TGFBRAP1: variants seen among roughly 807,000 people sequenced by gnomAD.
The protein encoded by TGFBRAP1 is transforming growth factor-beta receptor-associated protein 1.
A neutral mutation model predicts 83.2 loss-of-function variants in TGFBRAP1; 20 were observed. The observed-to-expected ratio is 0.24, with a 90% CI of 0.17 to 0.35. The LOEUF is 0.35. TGFBRAP1 is among the 10% of genes least tolerant of loss of function. The pLI is 1.00. For synonymous variants in TGFBRAP1, 415 were observed against 459.8 expected (o/e 0.90, Z 1.25); for missense variants, 950 against 1,099.4 (o/e 0.86, Z 1.92).
chr2:105,313,058 G>A (rs1678743412), intron 1 of TGFBRAP1, among the ~76,000 whole-genome samples: 1 of 152,100 alleles, frequency 6.6e-6, no homozygotes, highest in South Asian at 2.1e-4. Flanking sequence ...GTTGCAGTGA[G>A]CAGAGATCGC....
chr2:105,321,484 A>G (rs1467716160), intron 1 of TGFBRAP1, among the ~76,000 whole-genome samples: 2 of 152,106 alleles, frequency 1.3e-5, no homozygotes, highest in East Asian at 3.9e-4. Context: ...GATGTTTTTC[A>G]AGTTTCTATT....
chr2:105,319,103 T>A (rs1573221055), intron 1 of TGFBRAP1, among the ~76,000 whole-genome samples: 1 of 152,186 alleles, frequency 6.6e-6, no homozygotes, highest in East Asian at 2.0e-4. Context: ...CTCCATCACA[T>A]AGGCTGGAGT....
downstream of TGFBRAP1, among the ~76,000 whole-genome samples, chr2:105,259,939 G>A (rs551283868): frequency 1.3e-5 from 2 of 152,258 alleles, no homozygotes; most frequent in East Asian, 3.9e-4. Flanking sequence ...AGGACAATAA[G>A]CAGACGACTG....
At chr2:105,251,428 GGAGGT>G in the TGFBRAP1 span, among the ~76,000 whole-genome samples, 1 of 151,858 alleles carries the variant, frequency 6.6e-6, no homozygotes, top group South Asian at 2.1e-4. Context: ...GCCCCGTCTG[GGAGGT>G]GAGGAGCGTC....
intron 1 of TGFBRAP1, among the ~76,000 whole-genome samples, chr2:105,315,367 A>G (rs1002484445): frequency 1.3e-5 from 2 of 152,220 alleles, no homozygotes; most frequent in Non-Finnish European, 2.9e-5. Context: ...AAGGACCTAC[A>G]CTAACTGATT....
intron 10 of TGFBRAP1, among the ~76,000 whole-genome samples, chr2:105,270,475 T>G (rs1677116895): frequency 6.6e-6 from 1 of 152,238 alleles, no homozygotes; most frequent in African/African-American, 2.4e-5. Context: ...AATTAAACTC[T>G]GAGTCTCTAA....
At chr2:105,295,048 C>T (rs1471870287) in intron 4 of TGFBRAP1, among the ~76,000 whole-genome samples, 3 of 152,214 alleles carry the variant, frequency 2.0e-5, no homozygotes, top group Non-Finnish European at 4.4e-5. Flanking sequence ...GCACAAGAAG[C>T]TCAGCAGCTT....
intron 6 of TGFBRAP1, among the ~76,000 whole-genome samples, chr2:105,277,995 A>G (rs1002094266): frequency 6.6e-6 from 1 of 151,992 alleles, no homozygotes; most frequent in Middle Eastern, 3.2e-3. Context: ...TAAAGTTAAG[A>G]CTGCAGTGAG....
chr2:105,267,475 C>A lies in TGFBRAP1; in HGVS notation c.2491G>T (p.Val831Phe), dbSNP rs1676986231. Residue 831 changes from valine (V) to phenylalanine (F), a missense_variant, in exon 12 of 12, where the codon GTT (valine) becomes TTT (phenylalanine). By Grantham distance (50) the Val-to-Phe change is conservative. Transcript: ENST00000393359. The stretch of plus-strand genomic sequence containing the variant: ...ACAAGACCACCATTTGGGTATCTAA[C>A]AAACACAGGCTCACAAAAGGGATTT... ...CQNPFCEPVF[V>F]RYPNGGLVHT... is the part of the protein sequence containing the mutation. 6.2e-7 allele frequency: 1 copy of A among 1,614,184 alleles called. No individual in the cohort carries two copies. Among genetic ancestry groups the A allele is most frequent in the African/African-American group, 1.3e-5 (1 of 75,036 alleles).
At chr2:105,298,366 A>G in intron 3 of TGFBRAP1, 145 bp downstream of exon 3, 1 of 766,446 alleles carries the variant, frequency 1.3e-6, no homozygotes, top group South Asian at 2.6e-5. Flanking sequence ...CTAACTGTGC[A>G]GCCCCTGAAG....
Position 105,284,211 on chromosome 2 carries a change from A to G in TGFBRAP1, c.1121+105T>C, listed in dbSNP as rs528482126. On this transcript the variant is annotated intron_variant, in intron 5 of 11. Coordinates refer to ENST00000393359, the MANE Select transcript of TGFBRAP1 (RefSeq NM_004257.6). ...CCCCACCGTATCCACCTGAAGCACA[A>G]TCTAACCATGCAACACATCCCACCG... 2,622 of 1,084,778 alleles carry G rather than the reference A, an allele frequency of 2.4e-3. 4 individuals are homozygous for G. The highest frequency in any genetic ancestry group is 3.8e-3 in the Middle Eastern group (14 of 3,696). The allele number at this position is 1,084,778 out of a possible 1,614,324, so 67.2% of individuals were successfully genotyped here.
chr2:105,269,419 C>G lies in TGFBRAP1; in HGVS notation c.2259G>C (p.Val753=). ...RHATEFDAAQ[V]LQMLPDTWSV... The stretch of plus-strand genomic sequence containing the variant: ...ACCAGGTGTCAGGCAGCATCTGCAG[C>G]ACCTGGGCTGCATCAAATTCGGTGG... Residue 753 remains valine (V), a synonymous_variant, in exon 11 of 12, where the codon GTG becomes GTC. Transcript: ENST00000393359. This position sits in a 1 kb window ranked among gnomAD's most constrained non-coding sequence, Gnocchi z 4.1. 6.2e-7 allele frequency: 1 copy of G among 1,614,010 alleles called. No individual in the cohort carries two copies. Among genetic ancestry groups the G allele is most frequent in the Non-Finnish European group, 8.5e-7 (1 of 1,180,006 alleles).
chr2:105,304,927 G>A (rs1181134972), intron 2 of TGFBRAP1, among the ~76,000 whole-genome samples: 5 of 152,300 alleles, frequency 3.3e-5, no homozygotes, highest in Admixed American at 1.3e-4. Flanking sequence ...CGGTTGCTGG[G>A]GCTTAGGGGA....
chr2:105,290,039 A>G (rs1237511444), intron 4 of TGFBRAP1, among the ~76,000 whole-genome samples: 2 of 152,214 alleles, frequency 1.3e-5, no homozygotes, highest in African/African-American at 2.4e-5. Context: ...GCATCTTTTC[A>G]TACATTTATT....
intron 8 of TGFBRAP1, 41 bp downstream of exon 8, chr2:105,275,519 C>T: frequency 6.2e-7 from 1 of 1,607,222 alleles, no homozygotes; most frequent in Non-Finnish European, 8.5e-7. Flanking sequence ...TTTTTACCAC[C>T]TCCCCCAACC....
intron 1 of TGFBRAP1, among the ~76,000 whole-genome samples, chr2:105,321,761 T>G (rs946851339): frequency 6.6e-6 from 1 of 152,216 alleles, no homozygotes; most frequent in Non-Finnish European, 1.5e-5. Flanking sequence ...GTTGGAACAT[T>G]GTAGCAAAAT....
At chr2:105,322,524 T>A (rs1241676950) in intron 1 of TGFBRAP1, among the ~76,000 whole-genome samples, 1 of 152,176 alleles carries the variant, frequency 6.6e-6, no homozygotes, top group Non-Finnish European at 1.5e-5. Context: ...GTGGACCCTT[T>A]TTTTAGTATT....
the TGFBRAP1 span, among the ~76,000 whole-genome samples, chr2:105,251,517 TG>T: frequency 3.5e-5 from 5 of 141,376 alleles, no homozygotes; most frequent in South Asian, 2.3e-4. Context: ...GGGAGGGAGG[TG>T]GGGGGGGATC....
In TGFBRAP1 at chr2:105,265,604, G is replaced by A. The variant is rs2460255; in HGVS notation, c.*1779C>T. The A allele has an allele frequency of 0.15, 23,524 of 152,670 alleles. 2,278 individuals carry two copies. The highest frequency in any genetic ancestry group is 0.24 in the South Asian group (1,136 of 4,814). The allele number at this position is 152,670 out of a possible 1,614,324, so 9.5% of individuals were successfully genotyped here. A position where few individuals can be genotyped will look rare whatever the true frequency, so the allele number is the denominator to read the frequency against. On this transcript the variant is annotated 3_prime_UTR_variant, in exon 12 of 12. Coordinates refer to ENST00000393359, the MANE Select transcript of TGFBRAP1 (RefSeq NM_004257.6). ...GAGAAATATAAACTCAAACTCACAA[G>A]TTGTCATGATAACATATGCAGTAAT...
Sources: allele counts gnomAD v4.1 joint callset (sites outside exome capture counted in the v4.1 genomes callset), GRCh38; gene constraint gnomAD v4.1.1; non-coding constraint Gnocchi (gnomAD v3.1); transcripts MANE v1.5; gene names NCBI Gene and HGNC (gene_info 2026-07-23, HGNC 2026-07-21).